The following ZNF320 variants were observed in gnomAD, a reference collection of about 807,000 sequenced individuals.
ZNF320 encodes the protein zinc finger protein 320, also known as zinc finger gene 320.
ZNF320 carries 2 observed loss-of-function variants against 6.8 expected under a neutral mutation model. The ratio of observed to expected loss-of-function variants is 0.29; its 90% CI spans 0.12 to 0.93. ZNF320 has a LOEUF of 0.93. Among genes scored for constraint, ZNF320 ranks in the 40% least tolerant of loss-of-function variants. The pLI is 0.55. For missense variants in ZNF320, 472 were observed against 611.0 expected, an observed-to-expected ratio of 0.77 and a Z score of 2.40; for synonymous variants, 208 against 203.2, an observed-to-expected ratio of 1.02 and a Z score of -0.20.
At chr19:52,887,505 A>G (rs2064132321) in intron 5 of ZNF320, among the ~76,000 whole-genome samples, 1 of 152,248 alleles carries the variant, frequency 6.6e-6, no homozygotes, top group South Asian at 2.1e-4. Context: ...ATATGTGGAC[A>G]TCGGGCTATC....
chr19:52,883,566 A>G (rs2063986922), intron 5 of ZNF320: 1 of 454,020 alleles, frequency 2.2e-6, no homozygotes, highest in Non-Finnish European at 4.4e-6. Flanking sequence ...TACCTTCTGA[A>G]GTATGAGGTG....
chr19:52,903,352 C>G, the ZNF320 span, among the ~76,000 whole-genome samples: 2 of 151,948 alleles, frequency 1.3e-5, no homozygotes, highest in Non-Finnish European at 2.9e-5. Flanking sequence ...TAGATGGCCT[C>G]TTTTTCTCTC....
chr19:52,863,829 G>A (rs573828294), exon 6 of ZNF320: 18 of 216,026 alleles, frequency 8.3e-5, no homozygotes, highest in Non-Finnish European at 1.4e-4. Context: ...TCAGGAGTTC[G>A]AGACGAGCCT....
chr19:52,888,534 G>A (rs1218574191), intron 4 of ZNF320: 2 of 165,736 alleles, frequency 1.2e-5, no homozygotes, highest in East Asian at 9.6e-5. Flanking sequence ...GGAAGGCTGA[G>A]GTGGGAGGAC....
At chr19:52,890,081 TA>T (rs2064237990) in intron 4 of ZNF320, among the ~76,000 whole-genome samples, 159 bp downstream of exon 4, 1 of 152,016 alleles carries the variant, frequency 6.6e-6, no homozygotes, top group South Asian at 2.1e-4. Context: ...TCACAGGAGA[TA>T]AAATCTAAGT....
At chr19:52,870,240 T>G (rs900550369) in intron 5 of ZNF320, among the ~76,000 whole-genome samples, 1 of 151,310 alleles carries the variant, frequency 6.6e-6, no homozygotes, top group African/African-American at 2.4e-5. Context: ...CAGCACTTTG[T>G]GAGGCCGAGG....
At chr19:52,868,679 G>C (rs2063624294) in intron 5 of ZNF320, among the ~76,000 whole-genome samples, 1 of 152,000 alleles carries the variant, frequency 6.6e-6, no homozygotes, top group Non-Finnish European at 1.5e-5. Context: ...AAGCAAAATA[G>C]TCCACCAAGA....
downstream of ZNF320, chr19:52,874,384 C>G (rs1227253349): frequency 6.5e-6 from 1 of 152,946 alleles, no homozygotes; most frequent in Non-Finnish European, 1.5e-5. Flanking sequence ...CTGTGGATCA[C>G]AGGCTGATCT....
chr19:52,891,133 A>G (rs1036314429), intron 3 of ZNF320, 96 bp downstream of exon 3: 1 of 152,146 alleles, frequency 6.6e-6, no homozygotes, highest in African/African-American at 2.4e-5. Context: ...TGGGTGACAG[A>G]GTAAGACTTA....
intron 4 of ZNF320, among the ~76,000 whole-genome samples, chr19:52,889,089 C>G (rs1419973592): frequency 1.3e-5 from 2 of 151,662 alleles, no homozygotes; most frequent in African/African-American, 2.4e-5. Context: ...GAAGCTGAGG[C>G]AGGAGAATTA....
At chr19:52,870,590 T>C (rs755601867) in intron 5 of ZNF320, among the ~76,000 whole-genome samples, 7 of 152,024 alleles carry the variant, frequency 4.6e-5, no homozygotes, top group Non-Finnish European at 1.0e-4. Flanking sequence ...TCCATCCATG[T>C]ATTTATGCAC....
At chr19:52,866,408 A>G (rs2063573669) in intron 5 of ZNF320, among the ~76,000 whole-genome samples, 1 of 151,716 alleles carries the variant, frequency 6.6e-6, no homozygotes, top group African/African-American at 2.4e-5. Context: ...AAGTCAACAC[A>G]CTCAGAGGCA....
At chr19:52,866,028 A>T (rs1397290428) in intron 5 of ZNF320, among the ~76,000 whole-genome samples, 1 of 119,578 alleles carries the variant, frequency 8.4e-6, no homozygotes, top group African/African-American at 3.2e-5. Flanking sequence ...ATACATATTT[A>T]TATATATGAT....
chr19:52,883,106 A>T (rs868097745), intron 5 of ZNF320, among the ~76,000 whole-genome samples: 1 of 151,828 alleles, frequency 6.6e-6, no homozygotes, highest in Non-Finnish European at 1.5e-5. Flanking sequence ...CAATGGCATA[A>T]TCTTGGTTCA....
Position 52,880,799 on chromosome 19 carries a change from A to C in ZNF320, c.1327T>G (p.Cys443Gly). ...TTAAAGGCTTTACCACAATCACCAC[A>C]CTTGTGAGGTTTCTCTCCTGTATGA... is the stretch of plus-strand genomic sequence containing the variant. ...RIHTGEKPHKCGDCGKAFNSP... is the reference protein window; with the variant it reads ...RIHTGEKPHKGGDCGKAFNSP... The change falls in exon 6 of 6, where the codon TGT (cysteine) becomes GGT (glycine). Residue 443 changes from cysteine (C) to glycine (G), a missense_variant. Physicochemically the swap from Cys to Gly is radical, Grantham distance 159. Around this residue, in one of 2 missense-constraint regions of ZNF320, gnomAD observed 462 missense variants for 559.7 expected, o/e 0.83. Coordinates refer to ENST00000682928, the MANE Select transcript of ZNF320 (RefSeq NM_001351774.2). 6.2e-7 allele frequency: 1 copy of C among 1,613,960 alleles called. No homozygotes were observed. Among genetic ancestry groups the C allele is most frequent in the Non-Finnish European group, 8.5e-7 (1 of 1,179,850 alleles).
chr19:52,886,527 G>A (rs768433611), intron 5 of ZNF320, among the ~76,000 whole-genome samples: 5 of 152,118 alleles, frequency 3.3e-5, no homozygotes, highest in Non-Finnish European at 4.4e-5. Context: ...TCAATACAAC[G>A]CACTTCACTT....
chr19:52,903,000 A>T, the ZNF320 span, among the ~76,000 whole-genome samples: 1 of 152,186 alleles, frequency 6.6e-6, no homozygotes, highest in East Asian at 1.9e-4. Flanking sequence ...TAACTTTTTA[A>T]TATAGGTAAA....
intron 5 of ZNF320, among the ~76,000 whole-genome samples, chr19:52,869,351 A>C (rs1477736252): frequency 1.1e-4 from 17 of 152,168 alleles, no homozygotes; most frequent in Non-Finnish European, 2.1e-4. Flanking sequence ...CAATATACCA[A>C]GTATAGATTC....
At chr19:52,895,872 C>T (rs1289581666) in intron 1 of ZNF320, 1 of 151,188 alleles carries the variant, frequency 6.6e-6, no homozygotes, top group East Asian at 1.9e-4. Context: ...CTAGTAAATG[C>T]TTCCAATATA....
Sources: allele counts gnomAD v4.1 joint callset (sites outside exome capture counted in the v4.1 genomes callset), GRCh38; gene constraint gnomAD v4.1.1; regional missense constraint gnomAD v4.1.1; transcripts MANE v1.5; gene names NCBI Gene and HGNC (gene_info 2026-07-23, HGNC 2026-07-21).